The following KCNU1 variants were observed in gnomAD, a reference collection of about 807,000 sequenced individuals.
KCNU1 encodes potassium channel subfamily U member 1.
In KCNU1, 93 loss-of-function variants were observed where a neutral mutation model predicts 126.8. The ratio of observed to expected loss-of-function variants is 0.73; its 90% CI spans 0.62 to 0.87. The LOEUF is 0.87. KCNU1 is among the 40% of genes least tolerant of loss of function. KCNU1 has a pLI of 0.00. For synonymous variants in KCNU1, 523 were observed against 494.2 expected (o/e 1.06, Z -0.77); for missense variants, 1,330 against 1,367.1 (o/e 0.97, Z 0.43).
At chr8:36,811,386 G>A (rs562409130) in intron 7 of KCNU1, among the ~76,000 whole-genome samples, 3 of 152,012 alleles carry the variant, frequency 2.0e-5, no homozygotes, top group Admixed American at 2.0e-4. Flanking sequence ...ACAAAACAGG[G>A]TCTATACAGG....
At chr8:36,846,787 C>CG (rs1805165627) in intron 18 of KCNU1, among the ~76,000 whole-genome samples, 1 of 58,236 alleles carries the variant, frequency 1.7e-5, no homozygotes. Context: ...GGCGACAGAG[C>CG]GAAAAAAAAA....
intron 8 of KCNU1, among the ~76,000 whole-genome samples, chr8:36,814,643 A>G (rs2130461142): frequency 6.6e-6 from 1 of 152,312 alleles, no homozygotes; most frequent in African/African-American, 2.4e-5. Flanking sequence ...TTGATTTGAG[A>G]AAACCTATCT....
At chr8:36,931,235 TC>T in intron 25 of KCNU1, 90 bp downstream of exon 25, 1 of 730,640 alleles carries the variant, frequency 1.4e-6, no homozygotes, top group Non-Finnish European at 2.3e-6. Context: ...TTCATAGATG[TC>T]CCATAGCACA....
intron 18 of KCNU1, among the ~76,000 whole-genome samples, chr8:36,851,062 G>A (rs1805325048): frequency 6.6e-6 from 1 of 151,936 alleles, no homozygotes; most frequent in African/African-American, 2.4e-5. Context: ...TGTTTAATCT[G>A]GATTTCTGCA....
chr8:36,836,724 T>G (rs528670612), intron 13 of KCNU1, 69 bp from the exon 14 acceptor site: 1 of 1,328,468 alleles, frequency 7.5e-7, no homozygotes, highest in African/African-American at 1.5e-5. Flanking sequence ...AAGAAAGACA[T>G]CCATCCTCAA....
chr8:36,827,059 T>C (rs1309481791), intron 10 of KCNU1, among the ~76,000 whole-genome samples: 2 of 152,226 alleles, frequency 1.3e-5, no homozygotes, highest in African/African-American at 4.8e-5. Flanking sequence ...TGTGTGCCTA[T>C]TGTCTTACAT....
intron 23 of KCNU1, among the ~76,000 whole-genome samples, chr8:36,919,219 C>A (rs922539690): frequency 1.2e-4 from 18 of 152,132 alleles, no homozygotes; most frequent in African/African-American, 4.3e-4. Flanking sequence ...TCTCCCTGTA[C>A]TGACTAGTCA....
intron 2 of KCNU1, among the ~76,000 whole-genome samples, chr8:36,796,047 T>A (rs1255135805): frequency 6.6e-6 from 1 of 152,246 alleles, no homozygotes; most frequent in East Asian, 1.9e-4. Context: ...TCTTTGGCTA[T>A]ATCTCAGAGA....
intron 5 of KCNU1, 78 bp downstream of exon 5, chr8:36,806,458 T>G (rs751510442): frequency 2.7e-6 from 2 of 743,628 alleles, no homozygotes; most frequent in Non-Finnish European, 4.4e-6. Flanking sequence ...GTATCTATTT[T>G]TCATTTGTTC....
At chr8:36,875,709 C>A (rs1585495416) in intron 19 of KCNU1, among the ~76,000 whole-genome samples, 1 of 152,008 alleles carries the variant, frequency 6.6e-6, no homozygotes, top group East Asian at 1.9e-4. Flanking sequence ...ATTAAAATTT[C>A]TAGTTCATAG....
chr8:36,930,925 G>C, intron 24 of KCNU1, 26 bp from the exon 25 acceptor site: 1 of 1,559,292 alleles, frequency 6.4e-7, no homozygotes, highest in African/African-American at 1.4e-5. Context: ...TTCTGACTTT[G>C]CATGTGGCTT....
intron 10 of KCNU1, among the ~76,000 whole-genome samples, chr8:36,824,824 CTTA>C (rs1444985381): frequency 2.0e-5 from 3 of 152,026 alleles, no homozygotes; most frequent in East Asian, 3.9e-4. Flanking sequence ...TTGTATAATA[CTTA>C]TTGTTATTGC....
chr8:36,851,039 T>C (rs1041071053), intron 18 of KCNU1, among the ~76,000 whole-genome samples: 1 of 152,232 alleles, frequency 6.6e-6, no homozygotes, highest in East Asian at 1.9e-4. Flanking sequence ...GTTATTCTTT[T>C]TCAATATTAT....
chr8:36,819,532 T>C (rs961208872), intron 10 of KCNU1, among the ~76,000 whole-genome samples: 6 of 152,188 alleles, frequency 3.9e-5, no homozygotes, highest in African/African-American at 4.8e-5. Flanking sequence ...TATTCTCCAC[T>C]ATCACAACTC....
chr8:36,917,669 C>T (rs1283810047), intron 22 of KCNU1, among the ~76,000 whole-genome samples: 3 of 152,112 alleles, frequency 2.0e-5, no homozygotes, highest in Non-Finnish European at 4.4e-5. Flanking sequence ...TATTCCATTT[C>T]TTTCCTCTTA....
intron 4 of KCNU1, among the ~76,000 whole-genome samples, chr8:36,805,938 G>A (rs1310232396): frequency 2.0e-5 from 3 of 152,100 alleles, no homozygotes; most frequent in East Asian, 1.9e-4. Context: ...CTACCTCCCA[G>A]GTTCCAGTGG....
intron 10 of KCNU1, among the ~76,000 whole-genome samples, chr8:36,827,612 G>A (rs1292593627): frequency 6.6e-6 from 1 of 152,106 alleles, no homozygotes; most frequent in Non-Finnish European, 1.5e-5. Context: ...ATATCTTCAG[G>A]AGGGAGTTGG....
intron 18 of KCNU1, among the ~76,000 whole-genome samples, chr8:36,858,329 G>T (rs1337238518): frequency 6.6e-6 from 1 of 151,126 alleles, no homozygotes; most frequent in Non-Finnish European, 1.5e-5. Flanking sequence ...ACTTTATTTT[G>T]GGACTGGAAA....
At chr8:36,867,115 C>T (rs1250003478) in intron 19 of KCNU1, among the ~76,000 whole-genome samples, 1 of 151,952 alleles carries the variant, frequency 6.6e-6, no homozygotes, top group Non-Finnish European at 1.5e-5. Flanking sequence ...TCAAAATAAA[C>T]ACATAATAAA....
Sources: allele counts gnomAD v4.1 joint callset (sites outside exome capture counted in the v4.1 genomes callset), GRCh38; gene constraint gnomAD v4.1.1; transcripts MANE v1.5; gene names NCBI Gene and HGNC (gene_info 2026-07-23, HGNC 2026-07-21).